TESPA1: variants seen among roughly 807,000 people sequenced by gnomAD.
TESPA1 encodes protein TESPA1.
Under a neutral mutation model 57.9 loss-of-function variants are expected in TESPA1, and 33 were observed. The ratio of observed to expected loss-of-function variants is 0.57; its 90% confidence interval spans 0.43 to 0.76. The LOEUF is 0.76. TESPA1 is among the 30% of genes least tolerant of loss of function. The pLI is 0.00. For missense variants in TESPA1, 618 were observed against 632.9 expected (o/e 0.98, Z 0.25); for synonymous variants, 227 against 228.9 (o/e 0.99, Z 0.07).
At chr12:54,967,632 T>A (rs1182146676) in intron 4 of TESPA1, among the ~76,000 whole-genome samples, 1 of 152,286 alleles carries the variant, frequency 6.6e-6, no homozygotes, top group South Asian at 2.1e-4. Flanking sequence ...CTATGACTGT[T>A]AGTGAGCCTG....
chr12:54,968,759 T>C (rs1359392791), intron 3 of TESPA1, among the ~76,000 whole-genome samples: 1 of 152,116 alleles, frequency 6.6e-6, no homozygotes, highest in East Asian at 1.9e-4. Context: ...TTATTCATGG[T>C]GCTTTAAATG....
At chr12:54,962,220 G>A (rs1443262234) in intron 9 of TESPA1, among the ~76,000 whole-genome samples, 1 of 152,202 alleles carries the variant, frequency 6.6e-6, no homozygotes, top group Non-Finnish European at 1.5e-5. Flanking sequence ...TATTACCAAA[G>A]GAGCTCTGAA....
chr12:54,956,878 G>A (rs1354450765), intron 10 of TESPA1, among the ~76,000 whole-genome samples: 1 of 152,156 alleles, frequency 6.6e-6, no homozygotes, highest in African/African-American at 2.4e-5. Flanking sequence ...GCAAGACACA[G>A]CCAAACTTGG....
intron 3 of TESPA1, among the ~76,000 whole-genome samples, chr12:54,972,362 C>T (rs1032756592): frequency 2.6e-5 from 4 of 152,116 alleles, no homozygotes; most frequent in African/African-American, 7.2e-5. Context: ...TTAGCAAAAG[C>T]GTAATTAATA....
chr12:54,976,450 A>G (rs1952139604), intron 1 of TESPA1, among the ~76,000 whole-genome samples: 4 of 152,152 alleles, frequency 2.6e-5, no homozygotes, highest in African/African-American at 9.7e-5. Flanking sequence ...CAGCTCACAG[A>G]ACATTTTTGG....
intron 2 of TESPA1, 130 bp downstream of exon 2, chr12:54,974,270 A>T: frequency 1.4e-6 from 1 of 703,128 alleles, no homozygotes; most frequent in Non-Finnish European, 2.2e-6. Flanking sequence ...AAACATATTT[A>T]AACCAGTCAA....
chr12:54,978,889 C>T (rs983039988), intron 1 of TESPA1, among the ~76,000 whole-genome samples: 1 of 152,208 alleles, frequency 6.6e-6, no homozygotes, highest in African/African-American at 2.4e-5. Context: ...TCATCATTCA[C>T]CACTACTTGT....
At chr12:54,965,578 A>T (rs1951375007) in intron 7 of TESPA1, among the ~76,000 whole-genome samples, 1 of 152,142 alleles carries the variant, frequency 6.6e-6, no homozygotes, top group Non-Finnish European at 1.5e-5. Context: ...CATTTTCTTT[A>T]TCCAGTCTAT....
chr12:54,977,974 A>G (rs1223425306), intron 1 of TESPA1, among the ~76,000 whole-genome samples: 1 of 152,062 alleles, frequency 6.6e-6, no homozygotes, highest in Non-Finnish European at 1.5e-5. Flanking sequence ...TAGTGGTAAT[A>G]GGAGGAAGCT....
At chr12:54,954,839 T>C (rs967665902) in intron 10 of TESPA1, among the ~76,000 whole-genome samples, 5 of 152,260 alleles carry the variant, frequency 3.3e-5, no homozygotes, top group East Asian at 3.8e-4. Context: ...CATCCACTGA[T>C]GGACATTAAG....
intron 10 of TESPA1, among the ~76,000 whole-genome samples, chr12:54,950,939 T>A (rs1950347650): frequency 7.2e-6 from 1 of 139,460 alleles, no homozygotes; most frequent in Non-Finnish European, 1.5e-5. Context: ...ACACTTAAAA[T>A]TTTTTTCCAT....
intron 3 of TESPA1, among the ~76,000 whole-genome samples, chr12:54,969,395 C>T (rs1290107986): frequency 6.6e-6 from 1 of 151,942 alleles, no homozygotes; most frequent in Non-Finnish European, 1.5e-5. Context: ...CAATTTACTA[C>T]TGTATTTAAT....
At position 54,978,403 on chromosome 12, in the gene TESPA1, A is replaced by G. The variant is rs555003566; in HGVS notation, c.-45-3796T>C. ...CTCAATGTTGTGTAAATTTACTTCC[A>G]GTACCAATGTTTATTAATTTATTTA... On this transcript the variant is annotated intron_variant, in intron 1 of 10. Transcript: ENST00000449076. Among the ~76,000 whole-genome samples, 7 of 152,320 alleles carry G rather than the reference A, an allele frequency of 4.6e-5. No individual in the cohort carries two copies. In the East Asian group the frequency reaches 1.3e-3, roughly 29 times the overall value.
At chr12:54,968,019 AT>A (rs1343746326) in intron 3 of TESPA1, 127 bp from the exon 4 acceptor site, 1 of 1,537,012 alleles carries the variant, frequency 6.5e-7, no homozygotes, top group African/African-American at 1.4e-5. Flanking sequence ...ATTTGCTTTT[AT>A]GTTGGAGAAA....
intron 5 of TESPA1, 140 bp from the exon 6 acceptor site, chr12:54,966,564 C>T (rs1201392516): frequency 2.1e-6 from 2 of 944,362 alleles, no homozygotes; most frequent in Non-Finnish European, 3.2e-6. Context: ...ATAAATTCTG[C>T]ACTTCTTGGG....
Position 54,957,853 on chromosome 12 carries a change from C to CA in TESPA1, c.*1+3314dup, listed in dbSNP as rs946014713. On this transcript the variant is annotated intron_variant, in intron 10 of 10. Transcript: ENST00000449076. ...TTATTTTACATTCCACTTAAGGAGG[C>CA]AAAAAAAGACAACTAAATTGGCTGA... Among the ~76,000 whole-genome samples, 26 of 151,902 alleles carry CA rather than the reference C, an allele frequency of 1.7e-4. 1 individual carries two copies. The highest frequency in any genetic ancestry group is 5.3e-4 in the African/African-American group (22 of 41,442).
chr12:54,981,249 TA>T (rs1952308153), intron 1 of TESPA1, among the ~76,000 whole-genome samples: 1 of 152,144 alleles, frequency 6.6e-6, no homozygotes, highest in African/African-American at 2.4e-5. Context: ...AGATGTTCAC[TA>T]AAGTTGAAAC....
intron 10 of TESPA1, among the ~76,000 whole-genome samples, chr12:54,951,290 G>T (rs1355317399): frequency 6.6e-6 from 1 of 152,128 alleles, no homozygotes; most frequent in Non-Finnish European, 1.5e-5. Flanking sequence ...GTGAATATGT[G>T]CTTGCTTCCC....
chr12:54,972,169 G>A (rs908507271), intron 3 of TESPA1, among the ~76,000 whole-genome samples: 5 of 152,140 alleles, frequency 3.3e-5, no homozygotes, highest in Non-Finnish European at 5.9e-5. Context: ...CCACCTTTTT[G>A]TCATAAATTT....
Sources: gnomAD v4.1 joint callset for allele counts (sites outside exome capture counted in the v4.1 genomes callset) on GRCh38, gnomAD v4.1.1 for gene constraint, MANE v1.5 for transcripts, NCBI Gene and HGNC (gene_info 2026-07-23, HGNC 2026-07-21) for gene names.